The following MTA1 variants were observed in gnomAD, a reference collection of about 807,000 sequenced individuals.
MTA1 encodes metastasis associated 1.
In MTA1, 15 loss-of-function variants were observed where a neutral mutation model predicts 97.0. The observed-to-expected ratio is 0.15, with a 90% CI of 0.10 to 0.24. The LOEUF (loss-of-function observed/expected upper bound fraction) is 0.24. Among genes scored for constraint, MTA1 ranks in the 10% least tolerant of loss-of-function variants. The pLI is 1.00. For synonymous variants in MTA1, 435 were observed against 417.5 expected (o/e 1.04, Z -0.51); for missense variants, 709 against 1,015.1 (o/e 0.70, Z 4.10).
At chr14:105,451,379 G>A (rs1555428632) in intron 6 of MTA1, among the ~76,000 whole-genome samples, 2 of 152,266 alleles carry the variant, frequency 1.3e-5, no homozygotes, top group African/African-American at 4.8e-5. Context: ...AGCAGGCAGG[G>A]CTTGGCCTGG....
In MTA1 at chr14:105,422,044, C is replaced by T. The variant is rs781967983; in HGVS notation, c.28+1981C>T. ...GGGTGCTGTCTGCTGGCAGCACAGC[C>T]ACGCGTGGGATCCAGACTGCTTCTG... On this transcript the variant is annotated intron_variant, in intron 1 of 20. Transcript: ENST00000331320. This position sits in a 1 kb window ranked among gnomAD's most constrained non-coding sequence, Gnocchi z 4.3. Among the ~76,000 whole-genome samples the T allele has an allele frequency of 3.3e-4, 51 of 152,302 alleles. 1 individual carries two copies. The highest frequency in any genetic ancestry group is 5.9e-4 in the Non-Finnish European group (40 of 68,016).
intron 16 of MTA1, chr14:105,465,460 G>A (rs1265596154): frequency 2.0e-5 from 6 of 299,954 alleles, no homozygotes; most frequent in Non-Finnish European, 3.7e-5. Context: ...AGGCACACCC[G>A]GGGGCTTCCC....
intron 1 of MTA1, 60 bp from the exon 2 acceptor site, chr14:105,438,612 G>C: frequency 6.6e-7 from 1 of 1,509,082 alleles, no homozygotes; most frequent in South Asian, 1.1e-5. Flanking sequence ...GGCCACGGGA[G>C]GTGGGACTGG....
At chr14:105,460,313 T>C in intron 8 of MTA1, 45 bp from the exon 9 acceptor site, 2 of 1,541,214 alleles carry the variant, frequency 1.3e-6, no homozygotes, top group South Asian at 1.2e-5. Context: ...CTGTGGGGAG[T>C]CCCTGCTTGG....
At chr14:105,433,269 C>A (rs2082233581) in intron 1 of MTA1, among the ~76,000 whole-genome samples, 1 of 152,128 alleles carries the variant, frequency 6.6e-6, no homozygotes, top group Non-Finnish European at 1.5e-5. Flanking sequence ...AGGGACGCTC[C>A]CGTGAGCCTT....
chr14:105,469,972 C>T lies in MTA1; in HGVS notation c.1977C>T (p.Tyr659=), dbSNP rs2083766581. ...TCGACGCCCCGGATGACGTGTTCTA[C>T]ATGGCCACAGAGGAGACCAGGTGGG... ...NWIDAPDDVF[Y]MATEETRKIR... Residue 659 remains tyrosine, a synonymous_variant, in exon 20 of 21, where the codon TAC becomes TAT. Coordinates refer to ENST00000331320, the MANE Select transcript of MTA1 (RefSeq NM_004689.4). 2 of 1,612,418 alleles carry T rather than the reference C, an allele frequency of 1.2e-6. No individual in the cohort carries two copies.
intron 9 of MTA1, 114 bp downstream of exon 9, chr14:105,460,571 C>T (rs2083311959): frequency 1.6e-6 from 2 of 1,233,534 alleles, no homozygotes; most frequent in Admixed American, 5.2e-5. Context: ...AGGACCCCTG[C>T]AGAGGTGCTG....
At chr14:105,447,087 G>A (rs2082740842) in intron 3 of MTA1, among the ~76,000 whole-genome samples, 2 of 152,242 alleles carry the variant, frequency 1.3e-5, no homozygotes, top group Admixed American at 1.3e-4. Flanking sequence ...CAGGTGCTGG[G>A]TGCCAGTCAG....
intron 17 of MTA1, 62 bp from the exon 18 acceptor site, chr14:105,466,645 G>A (rs1555432959): frequency 3.1e-5 from 50 of 1,590,366 alleles, no homozygotes; most frequent in East Asian, 1.1e-4. Flanking sequence ...GTCCCCGCCC[G>A]GGCACCCGCC....
intron 18 of MTA1, chr14:105,469,183 C>T (rs922337008): frequency 1.6e-6 from 1 of 626,200 alleles, no homozygotes; most frequent in Non-Finnish European, 3.0e-6. Flanking sequence ...ACAGCCCCGG[C>T]CCCTGTGCAG....
In MTA1 at chr14:105,431,927, G is replaced by A. The variant is rs80024571; in HGVS notation, c.29-6745G>A. 1.1e-3 allele frequency among the ~76,000 whole-genome samples: 160 copies of A among 152,284 alleles called. 2 individuals are homozygous for A. In the East Asian group the frequency reaches 0.03, roughly 29 times the overall value. On this transcript the variant is annotated intron_variant, in intron 1 of 20. Transcript: ENST00000331320. ...AGGCGTGAGGCACTACACCCGGCCTGTGGAAAGTATTTGAGTCTGTCATGC... is the reference window on the plus strand; with the variant it reads ...AGGCGTGAGGCACTACACCCGGCCTATGGAAAGTATTTGAGTCTGTCATGC...
In MTA1 at chr14:105,470,263, G is replaced by A. The variant is rs587775340; in HGVS notation, c.*48G>A. The A allele has an allele frequency of 1.1e-5, 13 of 1,176,292 alleles. No individual in the cohort carries two copies. The highest frequency in any genetic ancestry group is 5.9e-5 in the Admixed American group (1 of 16,896). 72.9% of individuals were successfully genotyped at this position (1,176,292 alleles called of 1,614,324 possible). A position where few individuals can be genotyped will look rare whatever the true frequency, so the allele number is the denominator to read the frequency against. ...CCCCCCGCCCCTCGCCCGCCCACAC[G>A]GCCCCTTCCCAGCCAGCCCGCCGCC... is the stretch of plus-strand genomic sequence containing the variant. On this transcript the variant is annotated 3_prime_UTR_variant, in exon 21 of 21. Coordinates refer to ENST00000331320, the MANE Select transcript of MTA1 (RefSeq NM_004689.4).
intron 2 of MTA1, among the ~76,000 whole-genome samples, chr14:105,441,930 G>A (rs1228549320): frequency 6.6e-6 from 1 of 152,232 alleles, no homozygotes; most frequent in African/African-American, 2.4e-5. Flanking sequence ...TCAGATGAGA[G>A]GAAAGCTCTT....
Position 105,464,131 on chromosome 14 carries a change from C to T in MTA1, c.1176C>T (p.Ala392=). 1.9e-6 allele frequency: 3 copies of T among 1,610,116 alleles called. No homozygotes were observed. The highest frequency in any genetic ancestry group is 2.5e-6 in the Non-Finnish European group (3 of 1,179,106). The change falls in exon 13 of 21, where the codon GCC becomes GCT. Residue 392 remains alanine (A), a synonymous_variant. Transcript: ENST00000331320. The part of the protein sequence containing the change: ...APGQSPGAGR[A]CESCYTTQSY... ...GCCAGAGCCCTGGGGCTGGCCGGGC[C>T]TGCGAGAGCTGTTACAGTAAGTGCC...
At chr14:105,428,760 C>A (rs1308340643) in intron 1 of MTA1, among the ~76,000 whole-genome samples, 1 of 151,760 alleles carries the variant, frequency 6.6e-6, no homozygotes. Context: ...TGCTCTGTTG[C>A]CCAGGCTGGA....
intron 1 of MTA1, 99 bp from the exon 2 acceptor site, chr14:105,438,573 C>T: frequency 9.8e-7 from 1 of 1,016,590 alleles, no homozygotes; most frequent in Non-Finnish European, 1.6e-6. Context: ...GAGGGGATGA[C>T]ACTGCCCCGC....
At chr14:105,432,606 T>G (rs1431093519) in intron 1 of MTA1, among the ~76,000 whole-genome samples, 1 of 152,230 alleles carries the variant, frequency 6.6e-6, no homozygotes, top group Admixed American at 6.5e-5. Flanking sequence ...ACTGCCATCA[T>G]CAATACACCA....
intron 16 of MTA1, 182 bp downstream of exon 16, chr14:105,465,365 C>T (rs1358192601): frequency 1.1e-5 from 5 of 438,706 alleles, no homozygotes; most frequent in Non-Finnish European, 1.9e-5. Context: ...CCACTGGGAC[C>T]CAGGCTGCTC....
chr14:105,447,746 G>A (rs189711845), intron 3 of MTA1, among the ~76,000 whole-genome samples: 284 of 152,338 alleles, frequency 1.9e-3, no homozygotes, highest in Non-Finnish European at 3.4e-3. Flanking sequence ...TGGGTCTGCC[G>A]CTGGTCCAGG....
Sources: gnomAD v4.1 joint callset for allele counts (sites outside exome capture counted in the v4.1 genomes callset) on GRCh38, gnomAD v4.1.1 for gene constraint, Gnocchi (gnomAD v3.1) non-coding constraint, MANE v1.5 for transcripts, NCBI Gene and HGNC (gene_info 2026-07-23, HGNC 2026-07-21) for gene names.